Variants in TMC1 observed in about 807,000 individuals in gnomAD.
TMC1 encodes the protein transmembrane channel-like protein 1.
TMC1 carries 84 observed loss-of-function variants against 105.8 expected under a neutral mutation model. That is an observed-to-expected ratio of 0.79 (90% CI 0.67 to 0.95). TMC1 has a LOEUF of 0.95. TMC1 is among the 40% of genes least tolerant of loss of function. TMC1 has a pLI of 0.00. For synonymous variants in TMC1, 315 were observed against 311.5 expected, an observed-to-expected ratio of 1.01 and a Z score of -0.12; for missense variants, 817 against 914.1, an observed-to-expected ratio of 0.89 and a Z score of 1.37.
intron 3 of TMC1, among the ~76,000 whole-genome samples, chr9:72,626,577 G>A (rs1028788061): frequency 2.6e-5 from 4 of 152,142 alleles, no homozygotes; most frequent in Non-Finnish European, 5.9e-5. Context: ...TGATCAAATG[G>A]CATCCATCCA....
chr9:72,750,941 C>T (rs1042143352), intron 10 of TMC1, among the ~76,000 whole-genome samples: 4 of 152,186 alleles, frequency 2.6e-5, no homozygotes, highest in African/African-American at 9.6e-5. Context: ...GCTGCTCTTC[C>T]CCAGCTCAGC....
rs544691787 is a variant in TMC1 at position 72,723,923 on chromosome 9, C to A, written c.363-16196C>A. Among the ~76,000 whole-genome samples the A allele has an allele frequency of 2.6e-5, 4 of 152,192 alleles. No individual in the cohort carries two copies. The East Asian group carries it at 7.7e-4, about 29-fold the overall frequency. On this transcript the variant is annotated intron_variant, in intron 8 of 23. Transcript: ENST00000297784. ...GCTCACTGAGCTACTGTTTCTATTTCTTTTAGAAAGTTGTGGAGGCATTTA... is the reference window on the plus strand; with the variant it reads ...GCTCACTGAGCTACTGTTTCTATTTATTTTAGAAAGTTGTGGAGGCATTTA...
chr9:72,684,105 A>G (rs982526774), intron 5 of TMC1, among the ~76,000 whole-genome samples: 2 of 152,092 alleles, frequency 1.3e-5, no homozygotes, highest in African/African-American at 4.8e-5. Context: ...GGAATTAATA[A>G]TCTAATTCGT....
chr9:72,812,161 C>A (rs1424743815), intron 18 of TMC1, among the ~76,000 whole-genome samples: 1 of 152,174 alleles, frequency 6.6e-6, no homozygotes. Flanking sequence ...TACACTAAAC[C>A]TATGGCTTTT....
At chr9:72,695,053 G>A (rs1031906412) in intron 7 of TMC1, among the ~76,000 whole-genome samples, 5 of 152,122 alleles carry the variant, frequency 3.3e-5, no homozygotes, top group Non-Finnish European at 7.4e-5. Flanking sequence ...TAAATAGTGA[G>A]CAAACATCAC....
intron 1 of TMC1, among the ~76,000 whole-genome samples, chr9:72,577,575 A>G (rs1295485323): frequency 1.3e-5 from 2 of 152,220 alleles, no homozygotes; most frequent in African/African-American, 4.8e-5. Flanking sequence ...CTTTAGGCCA[A>G]AAGCGGGATT....
intron 4 of TMC1, among the ~76,000 whole-genome samples, chr9:72,635,346 G>T (rs1779514922): frequency 6.6e-6 from 1 of 152,124 alleles, no homozygotes; most frequent in African/African-American, 2.4e-5. Flanking sequence ...CCTGGAGGTT[G>T]GTCTGGAGGT....
At chr9:72,552,446 C>T (rs1823873696) in intron 1 of TMC1, among the ~76,000 whole-genome samples, 1 of 152,104 alleles carries the variant, frequency 6.6e-6, no homozygotes, top group Non-Finnish European at 1.5e-5. Context: ...ACCGACTAAC[C>T]TTCTGAGCTG....
chr9:72,801,247 C>G (rs529105938), intron 17 of TMC1, among the ~76,000 whole-genome samples: 25 of 152,304 alleles, frequency 1.6e-4, no homozygotes, highest in African/African-American at 5.8e-4. Context: ...CTCTTTGAAG[C>G]TATATCCTGA....
intron 13 of TMC1, among the ~76,000 whole-genome samples, chr9:72,782,949 T>G (rs183539575): frequency 6.6e-6 from 1 of 152,194 alleles, no homozygotes; most frequent in Non-Finnish European, 1.5e-5. Context: ...AACATTCATA[T>G]GGAACCCAAA....
At chr9:72,651,584 A>C (rs973352523) in intron 5 of TMC1, 2 of 152,074 alleles carry the variant, frequency 1.3e-5, no homozygotes, top group Non-Finnish European at 2.9e-5. Context: ...GATGATGTGC[A>C]TGATGTCTCT....
chr9:72,610,956 T>G (rs1053213924), intron 2 of TMC1, among the ~76,000 whole-genome samples: 1 of 152,194 alleles, frequency 6.6e-6, no homozygotes, highest in Non-Finnish European at 1.5e-5. Flanking sequence ...GCTAGAAAAT[T>G]GTGAAGATCT....
At chr9:72,702,749 G>T (rs565542117) in intron 8 of TMC1, among the ~76,000 whole-genome samples, 9 of 152,102 alleles carry the variant, frequency 5.9e-5, no homozygotes, top group Non-Finnish European at 1.2e-4. Flanking sequence ...TAAGGCATTT[G>T]ACAATTTAGC....
rs563059230 is a variant in TMC1 at position 72,753,091 on chromosome 9, C to A, written c.642+1135C>A. Among the ~76,000 whole-genome samples, 25 of 152,104 alleles carry A rather than the reference C, an allele frequency of 1.6e-4. No individual in the cohort carries two copies. In the East Asian group the frequency reaches 3.1e-3, roughly 19 times the overall value. ...CTAGGACTAGAACCCATGATTCAATCCCTTTCTCTAAGATTTTGCACTTTA... is the reference window on the plus strand; with the variant it reads ...CTAGGACTAGAACCCATGATTCAATACCTTTCTCTAAGATTTTGCACTTTA... On this transcript the variant is annotated intron_variant, in intron 11 of 23. Transcript: ENST00000297784.
At chr9:72,541,993 A>C (rs1823686441) in intron 1 of TMC1, among the ~76,000 whole-genome samples, 1 of 152,058 alleles carries the variant, frequency 6.6e-6, no homozygotes, top group African/African-American at 2.4e-5. Context: ...AAAATAAAAA[A>C]TCTGGGTGAG....
intron 12 of TMC1, among the ~76,000 whole-genome samples, chr9:72,762,139 A>G (rs1000378235): frequency 1.3e-5 from 2 of 152,214 alleles, no homozygotes; most frequent in Non-Finnish European, 2.9e-5. Flanking sequence ...CTCAGATTGT[A>G]CTACAGTTTT....
chr9:72,603,331 A>G (rs1452795724), intron 2 of TMC1, among the ~76,000 whole-genome samples: 2 of 151,490 alleles, frequency 1.3e-5, no homozygotes. Context: ...CTCCCTACCC[A>G]TAACCATGTG....
At chr9:72,788,688 T>C (rs1564554586) in intron 14 of TMC1, among the ~76,000 whole-genome samples, 1 of 152,170 alleles carries the variant, frequency 6.6e-6, no homozygotes, top group Non-Finnish European at 1.5e-5. Flanking sequence ...CCTTAAACAC[T>C]TCTCTTCTCT....
chr9:72,783,651 A>G (rs1451228853), intron 13 of TMC1, among the ~76,000 whole-genome samples: 4 of 152,200 alleles, frequency 2.6e-5, no homozygotes, highest in Non-Finnish European at 5.9e-5. Context: ...CTATCTAGGC[A>G]TCCTTCAATC....
Sources: gnomAD v4.1 joint callset for allele counts (sites outside exome capture counted in the v4.1 genomes callset) on GRCh38, gnomAD v4.1.1 for gene constraint, MANE v1.5 for transcripts, NCBI Gene and HGNC (gene_info 2026-07-23, HGNC 2026-07-21) for gene names.